UBE2D2: variants seen among roughly 807,000 people sequenced by gnomAD.
UBE2D2 encodes the protein ubiquitin conjugating enzyme E2 D2, also known as ubiquitin-conjugating enzyme E2 D2.
UBE2D2 carries 2 observed loss-of-function variants against 24.2 expected under a neutral mutation model. The observed-to-expected ratio is 0.08, with a 90% confidence interval of 0.03 to 0.26. UBE2D2 has a LOEUF of 0.26. Among genes scored for constraint, UBE2D2 ranks in the 10% least tolerant of loss-of-function variants. UBE2D2 has a pLI of 1.00. For missense variants in UBE2D2, 44 were observed against 177.6 expected (o/e 0.25, Z 4.28); for synonymous variants, 58 against 56.5 (o/e 1.03, Z -0.12).
chr5:139,565,984 C>T (rs1303459482), intron 1 of UBE2D2, among the ~76,000 whole-genome samples: 1 of 151,780 alleles, frequency 6.6e-6, no homozygotes, highest in African/African-American at 2.4e-5. Context: ...AAAGTAATGC[C>T]AGGATTATCA....
intron 1 of UBE2D2, among the ~76,000 whole-genome samples, chr5:139,566,624 G>A (rs1753225562): frequency 1.3e-5 from 2 of 152,092 alleles, no homozygotes; most frequent in African/African-American, 4.8e-5. Context: ...GCAGTGAACC[G>A]TGATCAAGCC....
intron 1 of UBE2D2, among the ~76,000 whole-genome samples, chr5:139,532,937 T>C (rs1230723733): frequency 6.6e-6 from 1 of 151,708 alleles, no homozygotes; most frequent in Admixed American, 6.6e-5. Context: ...CGAAACCCCG[T>C]CTCTACTAAA....
At chr5:139,552,509 C>CTT (rs35945797) in intron 1 of UBE2D2, among the ~76,000 whole-genome samples, 5 of 124,236 alleles carry the variant, frequency 4.0e-5, no homozygotes, top group East Asian at 2.1e-4. Context: ...TTTCTTTTTT[C>CTT]TTTTTTTTTT....
intron 1 of UBE2D2, among the ~76,000 whole-genome samples, chr5:139,554,649 C>T (rs1323699504): frequency 1.3e-5 from 2 of 152,160 alleles, no homozygotes; most frequent in African/African-American, 4.8e-5. Flanking sequence ...GTGTACAACT[C>T]TTTTTGGGGA....
chr5:139,579,801 A>G (rs1433727213), intron 1 of UBE2D2, among the ~76,000 whole-genome samples: 1 of 151,926 alleles, frequency 6.6e-6, no homozygotes, highest in Non-Finnish European at 1.5e-5. Context: ...TAATCCCAGC[A>G]CTTTGGAAGG....
intron 2 of UBE2D2, among the ~76,000 whole-genome samples, chr5:139,613,216 G>A (rs943427580): frequency 6.6e-6 from 1 of 152,198 alleles, no homozygotes; most frequent in African/African-American, 2.4e-5. Context: ...ATATTAAGGA[G>A]GTTGGAAGGA....
At chr5:139,623,633 GA>G in intron 6 of UBE2D2, 172 bp downstream of exon 6, 1 of 466,588 alleles carries the variant, frequency 2.1e-6, no homozygotes, top group Non-Finnish European at 3.8e-6. Flanking sequence ...ATAAGTAGAT[GA>G]TGCCAGTCTT....
In UBE2D2 at chr5:139,561,659, C is replaced by A; in HGVS notation, c.-133C>A. On this transcript the variant is annotated 5_prime_UTR_variant, in exon 1 of 7. Transcript: ENST00000398733. ...CCGGCCCTCAGCCCGTCCCGCCGGACCCGCTTTCCTCAACTCTCCATCTTC... is the reference window on the plus strand; with the variant it reads ...CCGGCCCTCAGCCCGTCCCGCCGGAACCGCTTTCCTCAACTCTCCATCTTC... The A allele has an allele frequency of 1.6e-6, 1 of 636,578 alleles. No homozygotes were observed. The highest frequency in any genetic ancestry group is 2.5e-6 in the Non-Finnish European group (1 of 405,098). The allele number at this position is 636,578 out of a possible 1,614,324, so 39.4% of individuals were successfully genotyped here.
intron 1 of UBE2D2, among the ~76,000 whole-genome samples, chr5:139,536,319 G>A (rs1035247409): frequency 2.0e-5 from 3 of 150,500 alleles, no homozygotes; most frequent in African/African-American, 7.3e-5. Flanking sequence ...GGCTGGTCTC[G>A]AACTCCCGAC....
At chr5:139,567,812 G>T (rs553974823) in intron 1 of UBE2D2, among the ~76,000 whole-genome samples, 1 of 152,286 alleles carries the variant, frequency 6.6e-6, no homozygotes, top group Admixed American at 6.5e-5. Flanking sequence ...GGGATTACAG[G>T]CGTGAGCCAC....
At chr5:139,614,456 T>G in intron 2 of UBE2D2, 130 bp from the exon 3 acceptor site, 1 of 1,052,460 alleles carries the variant, frequency 9.5e-7, no homozygotes. Context: ...TTTATGTTCC[T>G]CATCTTGCTC....
At chr5:139,614,517 A>G in intron 2 of UBE2D2, 69 bp from the exon 3 acceptor site, 2 of 1,546,546 alleles carry the variant, frequency 1.3e-6, no homozygotes, top group South Asian at 1.1e-5. Context: ...AAGGGGAATG[A>G]TATGTTACTA....
At chr5:139,597,941 G>A (rs563133121) in intron 1 of UBE2D2, among the ~76,000 whole-genome samples, 4 of 151,978 alleles carry the variant, frequency 2.6e-5, no homozygotes, top group South Asian at 2.1e-4. Flanking sequence ...TCGCTCTGTC[G>A]CCCAGGCTGG....
At chr5:139,546,270 C>T (rs1186052684) in intron 1 of UBE2D2, among the ~76,000 whole-genome samples, 1 of 151,936 alleles carries the variant, frequency 6.6e-6, no homozygotes, top group Non-Finnish European at 1.5e-5. Flanking sequence ...TCTTGAACTC[C>T]TGACCTCATG....
chr5:139,555,458 CTT>C (rs1454843021), intron 1 of UBE2D2, among the ~76,000 whole-genome samples: 2 of 152,172 alleles, frequency 1.3e-5, no homozygotes, highest in East Asian at 3.9e-4. Flanking sequence ...GAAAATAACA[CTT>C]GATCAAAGAA....
chr5:139,616,958 G>C (rs1203726506), intron 5 of UBE2D2, among the ~76,000 whole-genome samples: 1 of 152,168 alleles, frequency 6.6e-6, no homozygotes, highest in Non-Finnish European at 1.5e-5. Context: ...GAGATGGGCA[G>C]ATGACTTGAG....
At chr5:139,535,003 G>C (rs1420478141) in intron 1 of UBE2D2, among the ~76,000 whole-genome samples, 3 of 151,930 alleles carry the variant, frequency 2.0e-5, no homozygotes, top group Admixed American at 6.6e-5. Flanking sequence ...GCCAGGTTTG[G>C]TGGTACATGC....
rs1052911567 is a variant in UBE2D2 at position 139,621,637 on chromosome 5, T to C, written c.305-1731T>C. Among the ~76,000 whole-genome samples the C allele has an allele frequency of 3.9e-5, 6 of 152,286 alleles. No homozygotes were observed. In the East Asian group the frequency reaches 9.6e-4, roughly 24 times the overall value. On this transcript the variant is annotated intron_variant, in intron 5 of 6. Coordinates refer to ENST00000398733, the MANE Select transcript of UBE2D2 (RefSeq NM_003339.3). ...GTGTGGCTGTCTTTTTTTTTTTTCT[T>C]TTTGAGGCAGGGTCTCACTCTGTCA...
intron 2 of UBE2D2, among the ~76,000 whole-genome samples, chr5:139,612,698 A>G (rs1307865827): frequency 6.6e-6 from 1 of 152,210 alleles, no homozygotes; most frequent in Admixed American, 6.5e-5. Flanking sequence ...CTAGTTATCA[A>G]TGTTTTATTT....
Sources: gnomAD v4.1 joint callset for allele counts (sites outside exome capture counted in the v4.1 genomes callset) on GRCh38, gnomAD v4.1.1 for gene constraint, MANE v1.5 for transcripts, NCBI Gene and HGNC (gene_info 2026-07-23, HGNC 2026-07-21) for gene names.